The following SLC14A2 variants were observed in gnomAD, a reference collection of about 807,000 sequenced individuals.
SLC14A2 encodes the protein solute carrier family 14 member 2, also known as urea transporter 2.
SLC14A2 carries 91 observed loss-of-function variants against 104.6 expected under a neutral mutation model. That is an observed-to-expected ratio of 0.87 (90% confidence interval 0.73 to 1.04). The LOEUF (loss-of-function observed/expected upper bound fraction) is 1.04, where lower values mean the gene tolerates loss of function less well. Among genes scored for constraint, SLC14A2 ranks in the 50% least tolerant of loss-of-function variants. The pLI is 0.00. For missense variants in SLC14A2, 1,189 were observed against 1,156.0 expected, an observed-to-expected ratio of 1.03 and a Z score of -0.41; for synonymous variants, 476 against 466.4, an observed-to-expected ratio of 1.02 and a Z score of -0.27.
rs761290040 is a variant in SLC14A2 at position 45,637,038 on chromosome 18, C to G, written c.699C>G (p.Leu233=). The G allele has an allele frequency of 7.4e-6, 12 of 1,614,194 alleles. 1 individual carries two copies. Among genetic ancestry groups the G allele is most frequent in the East Asian group, 2.2e-5 (1 of 44,892 alleles). ...ALNSIFSKWD[L]PVFTLPFNIA... is the part of the protein sequence containing the mutation. ...ATTCCATCTTCAGCAAGTGGGACCT[C>G]CCGGTCTTCACTCTGCCCTTCAACA... The change falls in exon 6 of 20, where the codon CTC becomes CTG. Residue 233 remains leucine (L), a synonymous_variant. Transcript: ENST00000255226.
At chr18:45,436,030 A>G (rs2086590384) in intron 1 of SLC14A2, among the ~76,000 whole-genome samples, 1 of 152,140 alleles carries the variant, frequency 6.6e-6, no homozygotes, top group Non-Finnish European at 1.5e-5. Context: ...GAGCTCTATT[A>G]CTATTAATAG....
At chr18:45,377,836 G>A (rs2085791503) in intron 1 of SLC14A2, among the ~76,000 whole-genome samples, 1 of 152,044 alleles carries the variant, frequency 6.6e-6, no homozygotes, top group Admixed American at 6.6e-5. Context: ...CCCTTGGTCT[G>A]GTCATCCAAT....
chr18:45,267,000 T>C (rs887225371), intron 1 of SLC14A2, among the ~76,000 whole-genome samples: 8 of 152,108 alleles, frequency 5.3e-5, no homozygotes, highest in Non-Finnish European at 1.2e-4. Flanking sequence ...AGGCAAACCA[T>C]GTGTACATTA....
chr18:45,663,984 A>G, intron 11 of SLC14A2, 77 bp downstream of exon 11: 6 of 1,445,638 alleles, frequency 4.2e-6, no homozygotes, highest in Non-Finnish European at 5.6e-6. Context: ...GGCAATACCT[A>G]CTTCACAGGG....
rs377315749 is a variant in SLC14A2 at position 45,682,565 on chromosome 18, G to A, written c.*46G>A. On this transcript the variant is annotated 3_prime_UTR_variant, in exon 20 of 20. Transcript: ENST00000255226. Reference sequence around the variant, plus strand: ...TCAGTGTAAATTCAGGCTTCAGCACGCCGTCCAGATCCCCAGGATAAGAGA... The same window carrying A: ...TCAGTGTAAATTCAGGCTTCAGCACACCGTCCAGATCCCCAGGATAAGAGA... 1.7e-5 allele frequency: 26 copies of A among 1,518,066 alleles called. No individual in the cohort carries two copies. Among genetic ancestry groups the A allele is most frequent in the African/African-American group, 1.6e-4 (12 of 73,150 alleles). 94.0% of individuals were successfully genotyped at this position (1,518,066 alleles called of 1,614,324 possible).
intron 1 of SLC14A2, among the ~76,000 whole-genome samples, chr18:45,302,493 C>T (rs1013229010): frequency 6.6e-6 from 1 of 152,144 alleles, no homozygotes; most frequent in African/African-American, 2.4e-5. Context: ...CTCAAGATTC[C>T]TTGTCTGGGC....
chr18:45,662,165 T>TAATTA (rs1196483474), intron 10 of SLC14A2, among the ~76,000 whole-genome samples: 2 of 152,070 alleles, frequency 1.3e-5, no homozygotes, highest in Non-Finnish European at 2.9e-5. Flanking sequence ...TAGCCGGGTG[T>TAATTA]GATGGTGGGC....
chr18:45,257,171 T>C (rs2084487891), intron 1 of SLC14A2, among the ~76,000 whole-genome samples: 1 of 152,232 alleles, frequency 6.6e-6, no homozygotes, highest in South Asian at 2.1e-4. Context: ...AAGTTGGTTT[T>C]AGTGACACAT....
At chr18:45,337,960 A>C (rs2085352493) in intron 1 of SLC14A2, among the ~76,000 whole-genome samples, 1 of 152,108 alleles carries the variant, frequency 6.6e-6, no homozygotes. Context: ...CAAAACAGAC[A>C]TTTGCCACTT....
intron 1 of SLC14A2, among the ~76,000 whole-genome samples, chr18:45,257,474 G>A (rs2084491391): frequency 6.6e-6 from 1 of 152,086 alleles, no homozygotes; most frequent in East Asian, 1.9e-4. Context: ...TAATAAAATG[G>A]CAGGTCAGCT....
In SLC14A2 at chr18:45,308,035, G is replaced by A. The variant is rs60345383; in HGVS notation, c.-125+94844G>A. Among the ~76,000 whole-genome samples, 1,317 of 152,162 alleles carry A rather than the reference G, an allele frequency of 8.7e-3. 21 individuals are homozygous for A. The highest frequency in any genetic ancestry group is 0.029 in the African/African-American group (1,220 of 41,504). On this transcript the variant is annotated intron_variant, in intron 1 of 20. Coordinates refer to the SLC14A2 transcript ENST00000586448. ...CCGAGAGAGATGAGAGAGGGGCCAC[G>A]CTGTTTTAAATAGCTAGAACTCGTG...
chr18:45,395,102 T>C (rs975688445), intron 1 of SLC14A2, among the ~76,000 whole-genome samples: 3 of 152,200 alleles, frequency 2.0e-5, no homozygotes, highest in African/African-American at 7.2e-5. Flanking sequence ...TGCAACATTA[T>C]TCACAATAGC....
rs1185745455 is a variant in SLC14A2, at chr18:45,420,764, C to T, written c.-124-62469C>T. On this transcript the variant is annotated intron_variant, in intron 1 of 20. Coordinates refer to the SLC14A2 transcript ENST00000586448. ...ATTATTATTATTTTTTTTTTTGAGA[C>T]GGAGTCTCACTCTGTTGCCAGGCTG... is the stretch of plus-strand genomic sequence containing the variant. Among the ~76,000 whole-genome samples, 4 of 148,294 alleles carry T rather than the reference C, an allele frequency of 2.7e-5. No homozygotes were observed. In the East Asian group the frequency reaches 5.9e-4, roughly 22 times the overall value.
chr18:45,334,830 A>T (rs964523257), intron 1 of SLC14A2, among the ~76,000 whole-genome samples: 1 of 152,144 alleles, frequency 6.6e-6, no homozygotes, highest in African/African-American at 2.4e-5. Flanking sequence ...TGGGATCTGC[A>T]CACCACAGAG....
chr18:45,626,940 GCTCT>G lies in SLC14A2; in HGVS notation c.332-15_332-12del, dbSNP rs759661478. The G allele has an allele frequency of 1.4e-5, 23 of 1,599,654 alleles. No homozygotes were observed. The African/African-American group carries it at 2.5e-4, about 18-fold the overall frequency. On this transcript the variant is annotated splice_polypyrimidine_tract_variant and intron_variant, in intron 3 of 19. Coordinates refer to ENST00000255226, the MANE Select transcript of SLC14A2 (RefSeq NM_007163.4). Reference sequence around the variant, plus strand: ...CCCAAGCTGGACCTGCTGATGGCTCGCTCTCTGTCTCTTTCAGACAAGCACCTTG... The same window carrying G: ...CCCAAGCTGGACCTGCTGATGGCTCGCTGTCTCTTTCAGACAAGCACCTTG...
intron 1 of SLC14A2, among the ~76,000 whole-genome samples, chr18:45,287,678 C>T (rs1365191049): frequency 1.3e-5 from 2 of 152,232 alleles, no homozygotes; most frequent in Admixed American, 6.5e-5. Context: ...GCCTGCCTAC[C>T]TTGCTGGCTG....
At chr18:45,519,626 G>C (rs1300978134) in intron 2 of SLC14A2, among the ~76,000 whole-genome samples, 7 of 152,212 alleles carry the variant, frequency 4.6e-5, no homozygotes, top group African/African-American at 1.7e-4. Flanking sequence ...AAAGGGGGCA[G>C]AGTAAGCACG....
chr18:45,478,885 CTTAT>C (rs1333737736), intron 1 of SLC14A2, among the ~76,000 whole-genome samples: 2 of 152,084 alleles, frequency 1.3e-5, no homozygotes, highest in African/African-American at 4.8e-5. Context: ...TAAGTGTTTT[CTTAT>C]TTATACCACC....
At chr18:45,455,487 C>G (rs577615960) in intron 1 of SLC14A2, among the ~76,000 whole-genome samples, 3 of 151,994 alleles carry the variant, frequency 2.0e-5, no homozygotes, top group African/African-American at 7.2e-5. Context: ...CACACCAGGA[C>G]CTGTCAGAGG....
Sources: allele counts gnomAD v4.1 joint callset (sites outside exome capture counted in the v4.1 genomes callset), GRCh38; gene constraint gnomAD v4.1.1; transcripts MANE v1.5; gene names NCBI Gene and HGNC (gene_info 2026-07-23, HGNC 2026-07-21).